DBT: variants seen among roughly 807,000 people sequenced by gnomAD.
DBT encodes lipoamide acyltransferase component of branched-chain alpha-keto acid dehydrogenase complex, mitochondrial.
A neutral mutation model predicts 51.3 loss-of-function variants in DBT; 40 were observed. The ratio of observed to expected loss-of-function variants is 0.78; its 90% confidence interval spans 0.61 to 1.02. DBT has a LOEUF of 1.02. Ranked by LOEUF, DBT falls within the 50% of genes least tolerant of loss-of-function variation. DBT has a pLI of 0.00. For synonymous variants in DBT, 181 were observed against 190.4 expected (o/e 0.95, Z 0.41); for missense variants, 510 against 580.2 (o/e 0.88, Z 1.24).
At chr1:100,207,832 GAAA>G (rs939954037) in intron 8 of DBT, among the ~76,000 whole-genome samples, 1 of 139,524 alleles carries the variant, frequency 7.2e-6, no homozygotes, top group East Asian at 2.1e-4. Flanking sequence ...GTCAAAAAAA[GAAA>G]AAAAAAAAAC....
chr1:100,209,150 T>C (rs1169779766), intron 8 of DBT, among the ~76,000 whole-genome samples: 1 of 150,948 alleles, frequency 6.6e-6, no homozygotes, highest in African/African-American at 2.4e-5. Context: ...TAGGCTGGAG[T>C]GCAGTGGCAT....
intron 1 of DBT, among the ~76,000 whole-genome samples, chr1:100,242,470 CATAA>C (rs1664281649): frequency 6.6e-6 from 1 of 152,144 alleles, no homozygotes; most frequent in Non-Finnish European, 1.5e-5. Context: ...TTTCCTAAAA[CATAA>C]ATAATCTTAA....
At chr1:100,236,822 A>C (rs985963177) in intron 2 of DBT, among the ~76,000 whole-genome samples, 1 of 152,254 alleles carries the variant, frequency 6.6e-6, no homozygotes, top group East Asian at 1.9e-4. Flanking sequence ...GAACAGCAAG[A>C]GCATGAAAAT....
intron 10 of DBT, among the ~76,000 whole-genome samples, chr1:100,203,364 T>C (rs374799618): frequency 3.3e-5 from 5 of 152,306 alleles, no homozygotes; most frequent in African/African-American, 1.2e-4. Context: ...AATGGATAAA[T>C]TGCTGGACGC....
intron 7 of DBT, among the ~76,000 whole-genome samples, chr1:100,212,483 G>A (rs904859529): frequency 2.6e-5 from 4 of 152,058 alleles, no homozygotes; most frequent in African/African-American, 9.6e-5. Context: ...GTTGCAGTGA[G>A]CTGTGATTGT....
chr1:100,190,237 C>G lies in DBT; in HGVS notation c.*6018G>C, dbSNP rs1396632279. The stretch of plus-strand genomic sequence containing the variant: ...GCCTAGTCATTTGGAACACTGGCTC[C>G]TTCTATCTTGTGTGGTGCCATCTTC... On this transcript the variant is annotated 3_prime_UTR_variant, in exon 11 of 11. Coordinates refer to ENST00000370132, the MANE Select transcript of DBT (RefSeq NM_001918.5). 6.6e-6 allele frequency: 1 copy of G among 152,118 alleles called. No individual in the cohort carries two copies. The highest frequency in any genetic ancestry group is 2.4e-5 in the African/African-American group (1 of 41,410). 9.4% of individuals were successfully genotyped at this position (152,118 alleles called of 1,614,324 possible).
chr1:100,222,737 C>T (rs917255204), intron 4 of DBT, among the ~76,000 whole-genome samples: 3 of 152,128 alleles, frequency 2.0e-5, no homozygotes, highest in African/African-American at 7.2e-5. Flanking sequence ...TCTGCTAAAG[C>T]TCATGTCCCT....
intron 10 of DBT, among the ~76,000 whole-genome samples, chr1:100,201,684 C>A (rs1661442225): frequency 6.6e-6 from 1 of 152,104 alleles, no homozygotes; most frequent in African/African-American, 2.4e-5. Flanking sequence ...AAAGGGAAGC[C>A]CATCAGACTA....
chr1:100,216,069 G>A lies in DBT; in HGVS notation c.686C>T (p.Pro229Leu). 6.2e-7 allele frequency: 1 copy of A among 1,613,518 alleles called. No homozygotes were observed. Among genetic ancestry groups the A allele is most frequent in the Non-Finnish European group, 8.5e-7 (1 of 1,179,486 alleles). The part of the protein sequence containing the change: ...PSPKVEIMPP[P>L]PKPKDMTVPI... ...AACAGTCATGTCTTTTGGCTTTGGTGGAGGTGGCATAATTTCAACTTTGGG... is the reference window on the plus strand; with the variant it reads ...AACAGTCATGTCTTTTGGCTTTGGTAGAGGTGGCATAATTTCAACTTTGGG... The change falls in exon 6 of 11, where the codon CCA becomes CTA. Residue 229 changes from proline (P) to leucine (L), a missense_variant. By Grantham distance (98) the Pro-to-Leu change is moderately conservative (BLOSUM62 -3). Coordinates refer to ENST00000370132, the MANE Select transcript of DBT (RefSeq NM_001918.5).
intron 4 of DBT, among the ~76,000 whole-genome samples, chr1:100,229,498 C>T (rs1188806859): frequency 6.6e-6 from 1 of 152,136 alleles, no homozygotes; most frequent in African/African-American, 2.4e-5. Context: ...TTAGTTTCTT[C>T]ATCTGCTAAA....
intron 2 of DBT, 130 bp downstream of exon 2, chr1:100,240,631 G>T (rs1471305447): frequency 1.3e-6 from 1 of 758,588 alleles, no homozygotes; most frequent in East Asian, 2.5e-5. Flanking sequence ...GTGGGGAGAT[G>T]GGAAGGGCCC....
At chr1:100,202,263 C>T (rs1186783963) in intron 10 of DBT, among the ~76,000 whole-genome samples, 1 of 152,028 alleles carries the variant, frequency 6.6e-6, no homozygotes, top group Non-Finnish European at 1.5e-5. Context: ...GGTTGCAATC[C>T]TAGTCTCTGA....
At chr1:100,205,322 G>A (rs1661696146) in intron 10 of DBT, among the ~76,000 whole-genome samples, 2 of 152,088 alleles carry the variant, frequency 1.3e-5, no homozygotes, top group Admixed American at 1.3e-4. Flanking sequence ...TTCAAAAGAA[G>A]ACATTTATAT....
At chr1:100,227,857 G>A (rs1261978892) in intron 4 of DBT, among the ~76,000 whole-genome samples, 1 of 150,964 alleles carries the variant, frequency 6.6e-6, no homozygotes, top group South Asian at 2.1e-4. Context: ...TTTTTCTTTT[G>A]TTTGTTTTTA....
chr1:100,248,038 G>T (rs1430168216), intron 1 of DBT, among the ~76,000 whole-genome samples: 1 of 151,018 alleles, frequency 6.6e-6, no homozygotes, highest in African/African-American at 2.4e-5. Context: ...GGAGGCAGGG[G>T]TTGCAGTGAG....
Position 100,235,239 on chromosome 1 carries a change from A to G in DBT, c.251+197T>C, listed in dbSNP as rs17122062. Among the ~76,000 whole-genome samples the G allele has an allele frequency of 0.042, 6,459 of 152,272 alleles. 154 individuals are homozygous for G. The highest frequency in any genetic ancestry group is 0.055 in the South Asian group (266 of 4,832). ...ACTAAATAAAGTACCTTGATGTATGACAAAGTCCTTCACCACTATATCATC... is the reference window on the plus strand; with the variant it reads ...ACTAAATAAAGTACCTTGATGTATGGCAAAGTCCTTCACCACTATATCATC... On this transcript the variant is annotated intron_variant, in intron 3 of 10. Coordinates refer to ENST00000370132, the MANE Select transcript of DBT (RefSeq NM_001918.5).
In DBT at chr1:100,240,807, A is replaced by C. The variant is rs1273265929; in HGVS notation, c.129T>G (p.Pro43=). 6.2e-7 allele frequency: 1 copy of C among 1,607,932 alleles called. No individual in the cohort carries two copies. The highest frequency in any genetic ancestry group is 8.5e-7 in the Non-Finnish European group (1 of 1,174,828). Residue 43 remains proline (P), a synonymous_variant, in exon 2 of 11, where the codon CCT becomes CCG. Coordinates refer to ENST00000370132, the MANE Select transcript of DBT (RefSeq NM_001918.5). Reference sequence around the variant, plus strand: ...GATGTGGATGACTATACTTGAATGAAGGATAACCAAAGAAACACACATAAT... The same window carrying C: ...GATGTGGATGACTATACTTGAATGACGGATAACCAAAGAAACACACATAAT... ...KPNYVCFFGY[P]SFKYSHPHHF... is the part of the protein sequence containing the mutation.
chr1:100,230,904 CT>C lies in DBT; in HGVS notation c.261del (p.Glu88LysfsTer38), dbSNP rs1570836175. On this transcript the variant is annotated frameshift_variant, in exon 4 of 11. Coordinates refer to ENST00000370132, the MANE Select transcript of DBT (RefSeq NM_001918.5). LOFTEE classifies it high-confidence loss of function. ...TCAAACTGAGACACTGTATCTCCTTCTTTTACATACCTAAAAGAAAAAGAAA... is the reference window on the plus strand; with the variant it reads ...TCAAACTGAGACACTGTATCTCCTTCTTTACATACCTAAAAGAAAAAGAAA... ...REVTVKEWYV[K>X]EGDTVSQFDS... 1.3e-6 allele frequency: 2 copies of C among 1,585,924 alleles called. No homozygotes were observed. Among genetic ancestry groups the C allele is most frequent in the African/African-American group, 1.3e-5 (1 of 74,472 alleles).
intron 10 of DBT, among the ~76,000 whole-genome samples, chr1:100,197,312 T>C (rs1661172683): frequency 6.6e-6 from 1 of 152,180 alleles, no homozygotes; most frequent in South Asian, 2.1e-4. Flanking sequence ...CAACTACTTG[T>C]CTTTGATTCT....
Sources: allele counts gnomAD v4.1 joint callset (sites outside exome capture counted in the v4.1 genomes callset), GRCh38; gene constraint gnomAD v4.1.1; transcripts MANE v1.5; gene names NCBI Gene and HGNC (gene_info 2026-07-23, HGNC 2026-07-21).